ATP13A5: variants seen among roughly 807,000 people sequenced by gnomAD.
ATP13A5 encodes the protein probable cation-transporting ATPase 13A5.
Under a neutral mutation model 150.2 loss-of-function variants are expected in ATP13A5, and 149 were observed. The ratio of observed to expected loss-of-function variants is 0.99; its 90% CI spans 0.87 to 1.14. The LOEUF (loss-of-function observed/expected upper bound fraction) is 1.14. Among genes scored for constraint, ATP13A5 ranks in the 50% most tolerant of loss-of-function variants. The probability of loss-of-function intolerance (pLI) is 0.00; values close to 1 mark genes in which losing one functional copy is unlikely to be tolerated. For synonymous variants in ATP13A5, 497 were observed against 522.2 expected (o/e 0.95, Z 0.66); for missense variants, 1,383 against 1,449.3 (o/e 0.95, Z 0.74).
intron 5 of ATP13A5, among the ~76,000 whole-genome samples, chr3:193,356,330 G>C (rs946450766): frequency 4.6e-5 from 7 of 151,844 alleles, no homozygotes; most frequent in African/African-American, 1.2e-4. Flanking sequence ...AGAGGACATC[G>C]ATACATTCCG....
intron 12 of ATP13A5, among the ~76,000 whole-genome samples, chr3:193,328,771 T>C (rs1266253070): frequency 2.0e-5 from 3 of 152,028 alleles, no homozygotes; most frequent in African/African-American, 7.2e-5. Flanking sequence ...GAAATAGATA[T>C]GAGAACAAAT....
rs113530800 is a variant in ATP13A5 at position 193,307,329 on chromosome 3, C to T, written c.2566G>A (p.Gly856Arg). 13 of 1,613,890 alleles carry T rather than the reference C, an allele frequency of 8.1e-6. No homozygotes were observed. In the African/African-American group the frequency reaches 1.2e-4, roughly 15 times the overall value. The change falls in exon 22 of 30, where the codon GGG (glycine) becomes AGG (arginine). Residue 856 changes from glycine to arginine, a missense_variant and splice_region_variant. Gly to Arg is a moderately radical substitution (Grantham distance 125). Transcript: ENST00000342358. The part of the protein sequence containing the change: ...GMCGDGANDC[G>R]ALKAAHAGIS... ...GAGCAAAAGCCATTTCTACTCACCC[C>T]ACAGTCGTTAGCTCCATCTCCACAC...
At position 193,326,798 on chromosome 3, in the gene ATP13A5, A is replaced by C. The variant is rs575011225; in HGVS notation, c.1523+198T>G. On this transcript the variant is annotated intron_variant, in intron 13 of 29. Transcript: ENST00000342358. ...TCATCCTACTCCATTTTTCATGGAGATTTTGAAGACCTACTTTTCCTTTCT... is the reference window on the plus strand; with the variant it reads ...TCATCCTACTCCATTTTTCATGGAGCTTTTGAAGACCTACTTTTCCTTTCT... Among the ~76,000 whole-genome samples, 70 of 152,072 alleles carry C rather than the reference A, an allele frequency of 4.6e-4. 1 individual carries two copies. The highest frequency in any genetic ancestry group is 9.3e-4 in the Non-Finnish European group (63 of 67,952).
chr3:193,362,750 CTTCTTTCTTTCTTTCT>C (rs751840109), intron 3 of ATP13A5, 113 bp from the exon 4 acceptor site: 43,211 of 619,002 alleles, frequency 0.07, 4,191 homozygotes, highest in South Asian at 0.078. Context: ...ACTTGCTTTC[CTTCTTTCTTTCTTTCT>C]TTCTTTCTTT....
intron 7 of ATP13A5, among the ~76,000 whole-genome samples, chr3:193,349,418 T>C (rs551529806): frequency 1.3e-5 from 2 of 152,238 alleles, no homozygotes; most frequent in East Asian, 1.9e-4. Flanking sequence ...TTACAAGTAT[T>C]AGAAAACAGG....
intron 20 of ATP13A5, 109 bp from the exon 21 acceptor site, chr3:193,310,826 G>A: frequency 1.4e-6 from 1 of 708,620 alleles, no homozygotes; most frequent in Non-Finnish European, 2.3e-6. Flanking sequence ...ATACAGCATT[G>A]GATGGTATGT....
At position 193,333,139 on chromosome 3, in the gene ATP13A5, TCA is replaced by T. The variant is rs10571991; in HGVS notation, c.1272+609_1272+610del. Among the ~76,000 whole-genome samples the T allele has an allele frequency of 6.3e-3, 934 of 148,794 alleles. 7 individuals carry two copies. Among genetic ancestry groups the T allele is most frequent in the African/African-American group, 0.021 (862 of 40,354 alleles). Reference sequence around the variant, plus strand: ...TATTCACTGCCCACCTCTCTCTCTCTCACACACACACACACACAAACACACAC... The same window carrying T: ...TATTCACTGCCCACCTCTCTCTCTCTCACACACACACACACAAACACACAC... On this transcript the variant is annotated intron_variant, in intron 11 of 29. Transcript: ENST00000342358.
intron 25 of ATP13A5, 70 bp from the exon 26 acceptor site, chr3:193,290,129 C>T: frequency 2.1e-6 from 3 of 1,438,226 alleles, no homozygotes; most frequent in Non-Finnish European, 2.8e-6. Flanking sequence ...GATTGAGATG[C>T]ATATTATCTT....
chr3:193,350,768 T>C (rs1460851885), intron 7 of ATP13A5, among the ~76,000 whole-genome samples: 1 of 152,184 alleles, frequency 6.6e-6, no homozygotes, highest in Non-Finnish European at 1.5e-5. Context: ...CTCCTAAAAC[T>C]ATGGCTGGCA....
intron 9 of ATP13A5, among the ~76,000 whole-genome samples, chr3:193,340,458 A>T (rs1479077414): frequency 6.6e-6 from 1 of 152,218 alleles, no homozygotes; most frequent in Non-Finnish European, 1.5e-5. Flanking sequence ...AGAGAGAAAA[A>T]GATCTGACCT....
chr3:193,359,116 G>T (rs1026175346), intron 5 of ATP13A5, among the ~76,000 whole-genome samples: 2 of 151,892 alleles, frequency 1.3e-5, no homozygotes, highest in African/African-American at 4.8e-5. Flanking sequence ...TAAGTAACTT[G>T]TTAACTTCTA....
intron 14 of ATP13A5, 51 bp downstream of exon 14, chr3:193,324,813 C>G (rs755993424): frequency 2.7e-5 from 43 of 1,585,422 alleles, no homozygotes; most frequent in Non-Finnish European, 3.6e-5. Context: ...TTCAGCACTC[C>G]CAGTAAAGAT....
intron 1 of ATP13A5, among the ~76,000 whole-genome samples, chr3:193,365,341 A>G (rs927390382): frequency 6.6e-6 from 1 of 152,030 alleles, no homozygotes; most frequent in Non-Finnish European, 1.5e-5. Context: ...TTGGCTTAAG[A>G]TTTTTTCCAT....
Position 193,363,380 on chromosome 3 carries a change from G to A in ATP13A5, c.240C>T (p.Asp80=), listed in dbSNP as rs532060349. ...EADTVLLRTT[D]EFQRYMRKKV... ...TCTTCCTCATATATCTTTGAAATTC[G>A]TCCTGGAAAAGACAATCCAGTTCAT... is the stretch of plus-strand genomic sequence containing the variant. The change falls in exon 3 of 30, where the codon GAC becomes GAT. Residue 80 remains aspartate, a splice_region_variant and synonymous_variant. Coordinates refer to ENST00000342358, the MANE Select transcript of ATP13A5 (RefSeq NM_198505.4). The A allele has an allele frequency of 1.7e-5, 27 of 1,610,286 alleles. No homozygotes were observed. Among genetic ancestry groups the A allele is most frequent in the African/African-American group, 6.7e-5 (5 of 74,806 alleles).
In ATP13A5 at chr3:193,351,205, C is replaced by T; in HGVS notation, c.607-4G>A. On this transcript the variant is annotated splice_polypyrimidine_tract_variant and splice_region_variant and intron_variant, in intron 6 of 29. Transcript: ENST00000342358. ...ACACATAGAATGGATTTAAAACCTGCAGGCACAAAAATGGCATTTGGGTCA... is the reference window on the plus strand; with the variant it reads ...ACACATAGAATGGATTTAAAACCTGTAGGCACAAAAATGGCATTTGGGTCA... The T allele has an allele frequency of 6.2e-7, 1 of 1,613,430 alleles. No individual in the cohort carries two copies. Among genetic ancestry groups the T allele is most frequent in the Non-Finnish European group, 8.5e-7 (1 of 1,179,542 alleles).
chr3:193,365,507 C>G (rs1245774094), intron 1 of ATP13A5, among the ~76,000 whole-genome samples: 1 of 152,138 alleles, frequency 6.6e-6, no homozygotes, highest in African/African-American at 2.4e-5. Context: ...CTTTCTCTTT[C>G]TGTTCCCTCT....
rs760717149 is a variant in ATP13A5, at chr3:193,362,611, G to A, written c.411C>T (p.Ile137=). ...LKLRCMEVQK[I]RYVWNDLEKR... Reference sequence around the variant, plus strand: ...TCTCCAGGTCGTTCCAAACATACCTGATTTTCTGCACTTCCATGCACCGCA... The same window carrying A: ...TCTCCAGGTCGTTCCAAACATACCTAATTTTCTGCACTTCCATGCACCGCA... Residue 137 remains isoleucine (I), a synonymous_variant, in exon 4 of 30, where the codon ATC becomes ATT. Coordinates refer to ENST00000342358, the MANE Select transcript of ATP13A5 (RefSeq NM_198505.4). The A allele has an allele frequency of 1.2e-6, 2 of 1,614,192 alleles. No individual in the cohort carries two copies. Among genetic ancestry groups the A allele is most frequent in the East Asian group, 2.2e-5 (1 of 44,884 alleles).
intron 1 of ATP13A5, among the ~76,000 whole-genome samples, chr3:193,371,153 C>T (rs572163116): frequency 6.6e-6 from 1 of 152,200 alleles, no homozygotes; most frequent in African/African-American, 2.4e-5. Flanking sequence ...CAGAATTTGC[C>T]CTAGATCAAG....
chr3:193,353,774 C>T (rs1266115052), intron 6 of ATP13A5, among the ~76,000 whole-genome samples: 1 of 152,162 alleles, frequency 6.6e-6, no homozygotes, highest in Non-Finnish European at 1.5e-5. Context: ...TTGGACTTCC[C>T]AGCCTCTAAA....
Sources: gnomAD v4.1 joint callset for allele counts (sites outside exome capture counted in the v4.1 genomes callset) on GRCh38, gnomAD v4.1.1 for gene constraint, MANE v1.5 for transcripts, NCBI Gene and HGNC (gene_info 2026-07-23, HGNC 2026-07-21) for gene names.